Variants in RPS6KC1 observed in about 807,000 individuals in gnomAD.
RPS6KC1 encodes the protein inactive ribosomal protein S6 kinase delta-1.
In RPS6KC1, 54 loss-of-function variants were observed where a neutral mutation model predicts 103.8. The ratio of observed to expected loss-of-function variants is 0.52; its 90% CI spans 0.42 to 0.65. The LOEUF (loss-of-function observed/expected upper bound fraction) is 0.65, where lower values mean the gene tolerates loss of function less well. RPS6KC1 is among the 30% of genes least tolerant of loss of function. The pLI is 0.00. For synonymous variants in RPS6KC1, 439 were observed against 438.7 expected, an observed-to-expected ratio of 1.00 and a Z score of -0.01; for missense variants, 1,151 against 1,253.8, an observed-to-expected ratio of 0.92 and a Z score of 1.24.
the RPS6KC1 span, among the ~76,000 whole-genome samples, chr1:213,762,735 A>G: frequency 2.0e-5 from 3 of 152,200 alleles, no homozygotes; most frequent in Non-Finnish European, 4.4e-5. Context: ...TAACAAGCTT[A>G]TGAGCTGTGT....
the RPS6KC1 span, among the ~76,000 whole-genome samples, chr1:213,308,063 G>A: frequency 6.6e-6 from 1 of 152,116 alleles, no homozygotes; most frequent in Admixed American, 6.5e-5. Flanking sequence ...TGTAATCTGA[G>A]CACTTTGGGA....
the RPS6KC1 span, among the ~76,000 whole-genome samples, chr1:213,452,255 G>A: frequency 6.6e-6 from 1 of 151,642 alleles, no homozygotes; most frequent in Non-Finnish European, 1.5e-5. Flanking sequence ...ACAGACTCGG[G>A]CTTTGTCTAA....
the RPS6KC1 span, among the ~76,000 whole-genome samples, chr1:213,533,103 C>T: frequency 6.6e-6 from 1 of 152,148 alleles, no homozygotes; most frequent in Non-Finnish European, 1.5e-5. Context: ...TCGATCAGAG[C>T]TCTCCCTGAG....
At chr1:213,459,864 C>A in the RPS6KC1 span, among the ~76,000 whole-genome samples, 1 of 152,318 alleles carries the variant, frequency 6.6e-6, no homozygotes, top group South Asian at 2.1e-4. Flanking sequence ...CATTCAGGAG[C>A]AGGTTGTTCC....
chr1:213,575,741 C>T, the RPS6KC1 span, among the ~76,000 whole-genome samples: 10 of 152,090 alleles, frequency 6.6e-5, no homozygotes, highest in South Asian at 2.1e-4. Flanking sequence ...AAATGACATG[C>T]GGACTGGCTG....
chr1:213,572,772 A>G, the RPS6KC1 span, among the ~76,000 whole-genome samples: 1 of 152,186 alleles, frequency 6.6e-6, no homozygotes, highest in Non-Finnish European at 1.5e-5. Context: ...ATCCAAGCAT[A>G]TACTGTTAAT....
At chr1:213,278,414 A>G (rs2095116383), downstream of RPS6KC1, among the ~76,000 whole-genome samples, 1 of 152,204 alleles carries the variant, frequency 6.6e-6, no homozygotes, top group African/African-American at 2.4e-5. Context: ...ACAAGAAGAA[A>G]AGGAGAGGTA....
the RPS6KC1 span, among the ~76,000 whole-genome samples, chr1:213,776,778 T>C: frequency 9.0e-3 from 1,365 of 152,344 alleles, 15 homozygotes; most frequent in Middle Eastern, 0.014. Context: ...AAGCATTCTC[T>C]TCCAATAGAA....
chr1:213,157,078 C>T (rs957022519), intron 6 of RPS6KC1, among the ~76,000 whole-genome samples: 2 of 152,156 alleles, frequency 1.3e-5, no homozygotes, highest in Admixed American at 1.3e-4. Flanking sequence ...TTCCACATCC[C>T]ATAAATTTAG....
the RPS6KC1 span, among the ~76,000 whole-genome samples, chr1:213,860,016 C>T: frequency 6.6e-6 from 1 of 150,486 alleles, no homozygotes; most frequent in Non-Finnish European, 1.5e-5. Context: ...TTTTTGAGAT[C>T]AGGAAAAAAT....
chr1:213,157,921 A>C (rs1407762347), intron 6 of RPS6KC1, among the ~76,000 whole-genome samples: 1 of 152,112 alleles, frequency 6.6e-6, no homozygotes, highest in African/African-American at 2.4e-5. Context: ...TAAAATGTCT[A>C]TTATTGTCTG....
At chr1:213,752,034 C>A in the RPS6KC1 span, among the ~76,000 whole-genome samples, 2 of 152,124 alleles carry the variant, frequency 1.3e-5, no homozygotes, top group East Asian at 1.9e-4. Context: ...CTATATCTAA[C>A]CCTTTGGGTT....
chr1:213,296,472 T>G, the RPS6KC1 span, among the ~76,000 whole-genome samples: 1 of 152,126 alleles, frequency 6.6e-6, no homozygotes, highest in African/African-American at 2.4e-5. Flanking sequence ...TCTCTTGCAT[T>G]CTCTATCCTC....
the RPS6KC1 span, among the ~76,000 whole-genome samples, chr1:213,764,260 T>C: frequency 2.6e-5 from 4 of 152,196 alleles, no homozygotes. Flanking sequence ...AAAGGGATCT[T>C]TCTTAGACTT....
chr1:213,858,626 C>A, the RPS6KC1 span, among the ~76,000 whole-genome samples: 62,153 of 151,952 alleles, frequency 0.41, 13,369 homozygotes, highest in African/African-American at 0.53. Context: ...TCTGAGGCAA[C>A]AGCTGGAATC....
the RPS6KC1 span, among the ~76,000 whole-genome samples, chr1:213,297,704 G>A: frequency 3.9e-5 from 6 of 151,998 alleles, no homozygotes; most frequent in South Asian, 6.2e-4. Flanking sequence ...TCAAGCTCCC[G>A]GGCTCAAGTG....
At chr1:213,808,643 T>C in the RPS6KC1 span, among the ~76,000 whole-genome samples, 1 of 152,234 alleles carries the variant, frequency 6.6e-6, no homozygotes, top group South Asian at 2.1e-4. Context: ...AAGCGCAGTA[T>C]TTGGGTGGGA....
At chr1:213,358,208 G>A in the RPS6KC1 span, among the ~76,000 whole-genome samples, 1 of 152,150 alleles carries the variant, frequency 6.6e-6, no homozygotes, top group African/African-American at 2.4e-5. Flanking sequence ...CAGAAGGAAT[G>A]GTACCAGCTC....
At chr1:213,747,342 G>A in the RPS6KC1 span, among the ~76,000 whole-genome samples, 1 of 152,140 alleles carries the variant, frequency 6.6e-6, no homozygotes, top group African/African-American at 2.4e-5. Flanking sequence ...CCCTGGACAT[G>A]AGCAGTTTTG....
Sources: gnomAD v4.1 joint callset for allele counts (sites outside exome capture counted in the v4.1 genomes callset) on GRCh38, gnomAD v4.1.1 for gene constraint, MANE v1.5 for transcripts, NCBI Gene and HGNC (gene_info 2026-07-23, HGNC 2026-07-21) for gene names.